The following AGBL1 variants were observed in gnomAD, a reference collection of about 807,000 sequenced individuals.
AGBL1 encodes cytosolic carboxypeptidase 4.
Under a neutral mutation model 118.9 loss-of-function variants are expected in AGBL1, and 130 were observed. The ratio of observed to expected loss-of-function variants is 1.09; its 90% CI spans 0.95 to 1.26. The LOEUF is 1.26. AGBL1 is among the 50% of genes most tolerant of loss of function. The pLI, the probability that AGBL1 is intolerant of heterozygous loss-of-function variation, is 0.00. For synonymous variants in AGBL1, 555 were observed against 478.9 expected (o/e 1.16, Z -2.08); for missense variants, 1,584 against 1,298.1 (o/e 1.22, Z -3.38).
At chr15:86,836,781 A>T (rs992339986) in intron 22 of AGBL1, among the ~76,000 whole-genome samples, 3 of 152,030 alleles carry the variant, frequency 2.0e-5, no homozygotes, top group African/African-American at 7.2e-5. Flanking sequence ...GAGGTTTCTA[A>T]TCATTAGGGT....
chr15:86,987,866 T>C, intron 23 of AGBL1: 1 of 1,112,700 alleles, frequency 9.0e-7, no homozygotes, highest in Non-Finnish European at 1.3e-6. Flanking sequence ...TTACTATATA[T>C]ATCCTATTAA....
At chr15:86,483,528 T>A (rs919603209) in intron 18 of AGBL1, among the ~76,000 whole-genome samples, 1 of 152,128 alleles carries the variant, frequency 6.6e-6, no homozygotes. Context: ...GAGGTTTCTC[T>A]GCAGTTCCTC....
chr15:86,941,072 C>G (rs2080745699), intron 23 of AGBL1, among the ~76,000 whole-genome samples: 1 of 152,178 alleles, frequency 6.6e-6, no homozygotes, highest in Non-Finnish European at 1.5e-5. Flanking sequence ...GTAGATAAAC[C>G]ATACTCTTTG....
intron 22 of AGBL1, among the ~76,000 whole-genome samples, chr15:86,844,682 A>G (rs1159750815): frequency 6.6e-6 from 1 of 152,016 alleles, no homozygotes; most frequent in Non-Finnish European, 1.5e-5. Context: ...TCTTTATGGT[A>G]TTTTTGAAGT....
At chr15:86,894,613 T>C (rs139826363) in intron 22 of AGBL1, among the ~76,000 whole-genome samples, 181 of 152,218 alleles carry the variant, frequency 1.2e-3, no homozygotes, top group African/African-American at 4.1e-3. Flanking sequence ...AAACAGTTAA[T>C]AAGATTGGAG....
chr15:86,877,490 C>T (rs904240817), intron 22 of AGBL1, among the ~76,000 whole-genome samples: 1 of 152,150 alleles, frequency 6.6e-6, no homozygotes, highest in Admixed American at 6.5e-5. Flanking sequence ...TTAGGACAGA[C>T]TTTCTTGTCA....
intron 23 of AGBL1, among the ~76,000 whole-genome samples, chr15:86,975,480 C>G (rs1393480415): frequency 6.6e-6 from 1 of 152,050 alleles, no homozygotes; most frequent in Non-Finnish European, 1.5e-5. Context: ...ATGGGAGCTG[C>G]AATTCAAGAT....
intron 22 of AGBL1, among the ~76,000 whole-genome samples, chr15:86,676,324 A>G (rs2085846044): frequency 6.6e-6 from 1 of 152,254 alleles, no homozygotes; most frequent in East Asian, 1.9e-4. Context: ...AGTTGACCAC[A>G]CGGATTGCGA....
At chr15:86,651,373 T>A (rs954895137) in intron 21 of AGBL1, among the ~76,000 whole-genome samples, 2 of 152,198 alleles carry the variant, frequency 1.3e-5, no homozygotes, top group African/African-American at 4.8e-5. Context: ...AGAACACTTC[T>A]GTATCAAAGA....
At chr15:86,509,854 AAAAC>A (rs140633620) in intron 18 of AGBL1, among the ~76,000 whole-genome samples, 4,993 of 152,176 alleles carry the variant, frequency 0.033, 125 homozygotes, top group East Asian at 0.069. Flanking sequence ...CAACAACAGC[AAAAC>A]AAACAAAACA....
rs117735645 is a variant in AGBL1, at chr15:86,842,353, A to G, written c.3159-64734A>G. Among the ~76,000 whole-genome samples, 178 of 152,336 alleles carry G rather than the reference A, an allele frequency of 1.2e-3. 3 individuals carry two copies. In the East Asian group the frequency reaches 0.02, roughly 17 times the overall value. ...GACTCTGAGCTCCTCAGATAGATCA[A>G]TTTCACTCTAATAAATCAAACCTTT... On this transcript the variant is annotated intron_variant, in intron 22 of 22. Coordinates refer to ENST00000614907, the MANE Select transcript of AGBL1 (RefSeq NM_001386094.1).
chr15:86,759,780 G>A (rs543374620), intron 22 of AGBL1, among the ~76,000 whole-genome samples: 81 of 152,126 alleles, frequency 5.3e-4, no homozygotes, highest in African/African-American at 1.8e-3. Flanking sequence ...CATTCTTCTC[G>A]ATGATCTTCA....
chr15:86,543,854 G>T (rs1278117238), intron 19 of AGBL1, among the ~76,000 whole-genome samples: 1 of 152,154 alleles, frequency 6.6e-6, no homozygotes, highest in African/African-American at 2.4e-5. Context: ...TGTTACTGGG[G>T]ATATTATTTC....
chr15:86,366,799 G>A (rs952667115), intron 17 of AGBL1, among the ~76,000 whole-genome samples: 1 of 152,138 alleles, frequency 6.6e-6, no homozygotes, highest in African/African-American at 2.4e-5. Context: ...CAAACTATAT[G>A]ATCTTGGGGG....
In AGBL1 at chr15:86,702,672, C is replaced by T. The variant is rs187873826; in HGVS notation, c.3158+28236C>T. On this transcript the variant is annotated intron_variant, in intron 22 of 22. Transcript: ENST00000614907. ...TGTAACAAGTAGTACATTTCTCTCT[C>T]CACCTTTAAACTCTTTTCTCCCTTT... Among the ~76,000 whole-genome samples, 506 of 152,226 alleles carry T rather than the reference C, an allele frequency of 3.3e-3. 3 individuals carry two copies. The highest frequency in any genetic ancestry group is 0.012 in the Admixed American group (187 of 15,270).
At chr15:86,151,600 C>T (rs2077112253) in intron 3 of AGBL1, among the ~76,000 whole-genome samples, 1 of 152,164 alleles carries the variant, frequency 6.6e-6, no homozygotes, top group South Asian at 2.1e-4. Flanking sequence ...GAAACATTCC[C>T]TTTGAAAACC....
At chr15:86,976,503 C>A (rs1156685345) in intron 23 of AGBL1, among the ~76,000 whole-genome samples, 1 of 151,942 alleles carries the variant, frequency 6.6e-6, no homozygotes. Context: ...TATAAACACG[C>A]TAGAATAAAC....
At chr15:86,414,183 G>A (rs1032308699) in intron 18 of AGBL1, among the ~76,000 whole-genome samples, 1 of 152,162 alleles carries the variant, frequency 6.6e-6, no homozygotes, top group African/African-American at 2.4e-5. Flanking sequence ...AGGATAGCGA[G>A]GTGAGGAGGA....
chr15:86,395,572 T>C (rs1451766421), intron 17 of AGBL1, among the ~76,000 whole-genome samples: 1 of 152,130 alleles, frequency 6.6e-6, no homozygotes, highest in Non-Finnish European at 1.5e-5. Context: ...TACCCAGTGC[T>C]CCTGCAGTTC....
Sources: gnomAD v4.1 joint callset for allele counts (sites outside exome capture counted in the v4.1 genomes callset) on GRCh38, gnomAD v4.1.1 for gene constraint, MANE v1.5 for transcripts, NCBI Gene and HGNC (gene_info 2026-07-23, HGNC 2026-07-21) for gene names.